SEMA3A: variants seen among roughly 807,000 people sequenced by gnomAD.
SEMA3A encodes semaphorin-3A.
SEMA3A carries 29 observed loss-of-function variants against 97.9 expected under a neutral mutation model. The observed-to-expected ratio is 0.30, with a 90% CI of 0.22 to 0.40. The LOEUF (loss-of-function observed/expected upper bound fraction) is 0.40. Ranked by LOEUF, SEMA3A falls within the 10% of genes least tolerant of loss-of-function variation. SEMA3A has a pLI of 1.00. For missense variants in SEMA3A, 763 were observed against 951.3 expected (o/e 0.80, Z 2.60); for synonymous variants, 321 against 323.7 (o/e 0.99, Z 0.09).
chr7:84,226,500 C>G (rs547738312), intron 3 of SEMA3A, among the ~76,000 whole-genome samples: 19 of 152,150 alleles, frequency 1.2e-4, no homozygotes, highest in African/African-American at 3.9e-4. Flanking sequence ...AAAATCATAT[C>G]TATAACTTTT....
chr7:84,258,678 CA>C (rs1799773067), intron 3 of SEMA3A, among the ~76,000 whole-genome samples: 1 of 152,124 alleles, frequency 6.6e-6, no homozygotes, highest in Non-Finnish European at 1.5e-5. Context: ...GTGCTTTTCA[CA>C]GAATCCTAGA....
At chr7:84,271,913 T>C (rs1800161158) in intron 3 of SEMA3A, among the ~76,000 whole-genome samples, 1 of 152,078 alleles carries the variant, frequency 6.6e-6, no homozygotes, top group Non-Finnish European at 1.5e-5. Flanking sequence ...TGATATAAAA[T>C]AATACTTTAT....
intron 1 of SEMA3A, among the ~76,000 whole-genome samples, chr7:84,417,913 T>A (rs776009167): frequency 1.3e-5 from 2 of 152,168 alleles, no homozygotes; most frequent in Non-Finnish European, 2.9e-5. Context: ...TACCAAACGC[T>A]AGTCTAATTA....
At chr7:84,093,414 T>C (rs965165360) in intron 4 of SEMA3A, among the ~76,000 whole-genome samples, 1 of 152,150 alleles carries the variant, frequency 6.6e-6, no homozygotes, top group Admixed American at 6.6e-5. Context: ...TCAGTGGAAC[T>C]TGTTCTGAAG....
rs541251170 is a variant in SEMA3A at position 83,988,794 on chromosome 7, T to C, written c.1453-3317A>G. The stretch of plus-strand genomic sequence containing the variant: ...TATCAACTTTTTCTATGCAGAGATA[T>C]AATCTTTAGAATTTAGTGGCCACAA... On this transcript the variant is annotated intron_variant, in intron 12 of 16. Transcript: ENST00000265362. Among the ~76,000 whole-genome samples, 22 of 151,830 alleles carry C rather than the reference T, an allele frequency of 1.4e-4. 1 individual carries two copies. Among genetic ancestry groups the C allele is most frequent in the South Asian group, 8.3e-4 (4 of 4,810 alleles).
intron 4 of SEMA3A, among the ~76,000 whole-genome samples, chr7:84,072,368 T>C (rs1005967096): frequency 2.6e-5 from 4 of 152,098 alleles, no homozygotes; most frequent in African/African-American, 9.7e-5. Context: ...TAATGTAATG[T>C]CTCTCCTGTG....
intron 4 of SEMA3A, among the ~76,000 whole-genome samples, chr7:84,104,285 C>G (rs1475513445): frequency 6.6e-6 from 1 of 151,940 alleles, no homozygotes; most frequent in East Asian, 1.9e-4. Context: ...CCAATATGGC[C>G]TTATAAAAAC....
intron 2 of SEMA3A, among the ~76,000 whole-genome samples, chr7:84,349,994 A>C (rs1235585203): frequency 6.6e-6 from 1 of 151,832 alleles, no homozygotes; most frequent in African/African-American, 2.4e-5. Flanking sequence ...AATTGGAAAA[A>C]AAACATCCTC....
At chr7:84,406,943 C>T (rs1418343044) in intron 1 of SEMA3A, among the ~76,000 whole-genome samples, 1 of 152,140 alleles carries the variant, frequency 6.6e-6, no homozygotes, top group Non-Finnish European at 1.5e-5. Context: ...CAGCCAATAT[C>T]ATACTGAATG....
chr7:84,237,548 C>T (rs1443161925), intron 3 of SEMA3A, among the ~76,000 whole-genome samples: 1 of 152,080 alleles, frequency 6.6e-6, no homozygotes, highest in African/African-American at 2.4e-5. Flanking sequence ...ACCCATTTTT[C>T]TAAGTGGTTT....
intron 15 of SEMA3A, among the ~76,000 whole-genome samples, chr7:83,972,662 C>A (rs1788965692): frequency 6.6e-6 from 1 of 151,972 alleles, no homozygotes; most frequent in African/African-American, 2.4e-5. Context: ...GGTATGTGAT[C>A]CTTATAACTT....
At chr7:84,119,440 T>C (rs1461093436) in intron 3 of SEMA3A, among the ~76,000 whole-genome samples, 1 of 152,184 alleles carries the variant, frequency 6.6e-6, no homozygotes, top group Non-Finnish European at 1.5e-5. Context: ...AGTCCAAAAG[T>C]AAGTAGACGT....
intron 6 of SEMA3A, among the ~76,000 whole-genome samples, chr7:84,029,618 C>T (rs909112349): frequency 6.6e-6 from 1 of 152,082 alleles, no homozygotes; most frequent in Non-Finnish European, 1.5e-5. Context: ...ATTCATCCAT[C>T]ATCAACTGTC....
At chr7:84,173,591 A>T (rs1797464659) in intron 1 of SEMA3A, among the ~76,000 whole-genome samples, 1 of 151,766 alleles carries the variant, frequency 6.6e-6, no homozygotes, top group Admixed American at 6.6e-5. Flanking sequence ...AAATTTACAA[A>T]AATTGTTGTT....
At chr7:83,991,956 C>G (rs924887289) in intron 12 of SEMA3A, among the ~76,000 whole-genome samples, 3 of 146,284 alleles carry the variant, frequency 2.1e-5, no homozygotes, top group African/African-American at 7.7e-5. Context: ...GTCCTGGACT[C>G]TTTTTGGTTG....
rs369331377 is a variant in SEMA3A at position 84,430,913 on chromosome 7, A to G, written c.-245-59013T>C. 6.6e-5 allele frequency among the ~76,000 whole-genome samples: 10 copies of G among 152,050 alleles called. 2 individuals carry two copies. Among genetic ancestry groups the G allele is most frequent in the Admixed American group, 6.6e-5 (1 of 15,234 alleles). On this transcript the variant is annotated intron_variant, in intron 1 of 3. Transcript: ENST00000424555. ...CAACTAAACTGTGTAACAGTAGCACATATTTTATTTTTTAGAGCACTTTCA... is the reference window on the plus strand; with the variant it reads ...CAACTAAACTGTGTAACAGTAGCACGTATTTTATTTTTTAGAGCACTTTCA...
intron 3 of SEMA3A, among the ~76,000 whole-genome samples, chr7:84,285,481 T>C (rs1265927074): frequency 6.6e-6 from 1 of 152,202 alleles, no homozygotes; most frequent in East Asian, 1.9e-4. Flanking sequence ...GAAAACTTAT[T>C]ATATTTCTTT....
chr7:84,425,873 CACA>C (rs1804812185), intron 1 of SEMA3A, among the ~76,000 whole-genome samples: 1 of 73,228 alleles, frequency 1.4e-5, no homozygotes, highest in Admixed American at 1.5e-4. Flanking sequence ...CACACACACA[CACA>C]CCCACACACA....
At chr7:84,128,735 A>T (rs1795871640) in intron 3 of SEMA3A, among the ~76,000 whole-genome samples, 1 of 152,130 alleles carries the variant, frequency 6.6e-6, no homozygotes, top group African/African-American at 2.4e-5. Context: ...CAGGTCGAGC[A>T]TCCCTAATTC....
Sources: allele counts gnomAD v4.1 joint callset (sites outside exome capture counted in the v4.1 genomes callset), GRCh38; gene constraint gnomAD v4.1.1; transcripts MANE v1.5; gene names NCBI Gene and HGNC (gene_info 2026-07-23, HGNC 2026-07-21).